The following SRPRA variants were observed in gnomAD, a reference collection of about 807,000 sequenced individuals.
The protein encoded by SRPRA is signal recognition particle receptor subunit alpha.
In SRPRA, 30 loss-of-function variants were observed where a neutral mutation model predicts 61.1. The ratio of observed to expected loss-of-function variants is 0.49; its 90% CI spans 0.37 to 0.67. SRPRA has a LOEUF of 0.67. Among genes scored for constraint, SRPRA ranks in the 30% least tolerant of loss-of-function variants. The pLI is 0.00. For synonymous variants in SRPRA, 324 were observed against 299.7 expected (o/e 1.08, Z -0.84); for missense variants, 759 against 828.4 (o/e 0.92, Z 1.03).
At chr11:126,240,967 A>G in the SRPRA span, 1 of 1,614,150 alleles carries the variant, frequency 6.2e-7, no homozygotes, top group Non-Finnish European at 8.5e-7. Context: ...TGAGGAGAGC[A>G]AAAAGTTTCA....
the SRPRA span, among the ~76,000 whole-genome samples, chr11:126,251,590 G>A: frequency 6.6e-6 from 1 of 152,174 alleles, no homozygotes; most frequent in Non-Finnish European, 1.5e-5. Flanking sequence ...TGTATGGTCA[G>A]CTCCTTCTTC....
Position 126,264,715 on chromosome 11 carries a change from A to G in SRPRA, c.1526-176T>C. ...TGCTTGGCCATCACCAAACATATTC[A>G]GGAAAAGGAGGACAACAGGATGAAG... On this transcript the variant is annotated intron_variant, in intron 11 of 13. Coordinates refer to ENST00000332118, the MANE Select transcript of SRPRA (RefSeq NM_003139.4). This position sits in a 1 kb window ranked among gnomAD's most constrained non-coding sequence, Gnocchi z 5.0. 2.4e-6 allele frequency: 2 copies of G among 827,338 alleles called. No homozygotes were observed. Among genetic ancestry groups the G allele is most frequent in the South Asian group, 3.7e-5 (2 of 54,452 alleles). 51.2% of individuals were successfully genotyped at this position (827,338 alleles called of 1,614,324 possible). A position where few individuals can be genotyped will look rare whatever the true frequency, so the allele number is the denominator to read the frequency against.
chr11:126,251,761 C>T, the SRPRA span, among the ~76,000 whole-genome samples: 7 of 134,188 alleles, frequency 5.2e-5, no homozygotes, highest in South Asian at 2.3e-4. Context: ...GAGACAGTTT[C>T]GCTCTTGTTG....
chr11:126,236,230 C>T, the SRPRA span, among the ~76,000 whole-genome samples: 2 of 152,252 alleles, frequency 1.3e-5, no homozygotes, highest in Non-Finnish European at 1.5e-5. Context: ...CCTTTGTTTT[C>T]CTGAAGCATG....
At position 126,263,723 on chromosome 11, in the gene SRPRA, A is replaced by G; in HGVS notation, c.*193T>C. The stretch of plus-strand genomic sequence containing the variant: ...GAGAGGGTCAGTGGGCAGTGATTGT[A>G]ACATGATTAGGCCTTCCTTGCAGAT... On this transcript the variant is annotated 3_prime_UTR_variant, in exon 14 of 14. Transcript: ENST00000332118. 1 of 765,892 alleles carries G rather than the reference A, an allele frequency of 1.3e-6. No homozygotes were observed. Among genetic ancestry groups the G allele is most frequent in the East Asian group, 2.6e-5 (1 of 38,166 alleles). The allele number at this position is 765,892 out of a possible 1,614,324, so 47.4% of individuals were successfully genotyped here. A position where few individuals can be genotyped will look rare whatever the true frequency, so the allele number is the denominator to read the frequency against.
chr11:126,236,169 C>T, the SRPRA span, among the ~76,000 whole-genome samples: 5 of 152,170 alleles, frequency 3.3e-5, no homozygotes, highest in African/African-American at 1.2e-4. Context: ...TACATCTCTC[C>T]TGTATCGATT....
the SRPRA span, chr11:126,250,584 G>A: frequency 1.2e-6 from 2 of 1,614,106 alleles, no homozygotes; most frequent in Admixed American, 1.7e-5. This position sits in a 1 kb window ranked among gnomAD's most constrained non-coding sequence, Gnocchi z 5.1. Context: ...AAAGATGGAA[G>A]ATTCTGGAAA....
the SRPRA span, among the ~76,000 whole-genome samples, chr11:126,255,279 A>G: frequency 6.6e-6 from 1 of 152,216 alleles, no homozygotes; most frequent in Non-Finnish European, 1.5e-5. This position sits in a 1 kb window ranked among gnomAD's most constrained non-coding sequence, Gnocchi z 4.6. Flanking sequence ...AGCTCTAAGA[A>G]TCTTGTTTGC....
the SRPRA span, chr11:126,250,830 C>A: frequency 1.0e-6 from 1 of 957,518 alleles, no homozygotes; most frequent in East Asian, 2.7e-5. This position sits in a 1 kb window ranked among gnomAD's most constrained non-coding sequence, Gnocchi z 5.1. Context: ...TTATGTAGAG[C>A]TAGAAAGGAA....
chr11:126,262,096 G>C (rs778216820), downstream of SRPRA: 1 of 1,613,768 alleles, frequency 6.2e-7, no homozygotes, highest in Non-Finnish European at 8.5e-7. Context: ...ACTTCATTTT[G>C]TTCTCTTTTC....
the SRPRA span, chr11:126,240,736 T>A: frequency 6.7e-7 from 1 of 1,503,540 alleles, no homozygotes; most frequent in Non-Finnish European, 8.9e-7. Flanking sequence ...ACAGTCTTTC[T>A]GTGTGCCTCA....
At chr11:126,268,338 A>G (rs977481511) in intron 1 of SRPRA, among the ~76,000 whole-genome samples, 2 of 152,210 alleles carry the variant, frequency 1.3e-5, no homozygotes, top group African/African-American at 4.8e-5. Context: ...AAACAATCAG[A>G]TTACTAGCAG....
At chr11:126,237,750 G>A in the SRPRA span, among the ~76,000 whole-genome samples, 12 of 146,202 alleles carry the variant, frequency 8.2e-5, no homozygotes, top group Admixed American at 7.5e-4. Context: ...CCAGCTACTC[G>A]GGAGGCTGAG....
At position 126,267,311 on chromosome 11, in the gene SRPRA, G is replaced by A. The variant is rs1565347457; in HGVS notation, c.390C>T (p.Ile130=). 6.2e-7 allele frequency: 1 copy of A among 1,614,046 alleles called. No individual in the cohort carries two copies. The highest frequency in any genetic ancestry group is 1.7e-4 in the Middle Eastern group (1 of 6,060). ...LLREAEESSK[I]RAPTTMKKFE... is the part of the protein sequence containing the mutation. ...ATTTCTTCATGGTAGTGGGAGCACG[G>A]ATCTTACTGCTCTCCTCTGCTTCAC... The change falls in exon 4 of 14, where the codon ATC becomes ATT. Residue 130 remains isoleucine (I), a synonymous_variant. Transcript: ENST00000332118. This position sits in a 1 kb window ranked among gnomAD's most constrained non-coding sequence, Gnocchi z 4.2.
At chr11:126,256,473 A>G in the SRPRA span, 1 of 1,194,472 alleles carries the variant, frequency 8.4e-7, no homozygotes, top group Non-Finnish European at 1.2e-6. This position sits in a 1 kb window ranked among gnomAD's most constrained non-coding sequence, Gnocchi z 6.6. Flanking sequence ...TTAATTGGTC[A>G]TCACAGTCTG....
the SRPRA span, among the ~76,000 whole-genome samples, chr11:126,238,346 G>A: frequency 1.2e-4 from 18 of 152,090 alleles, 1 homozygote; most frequent in African/African-American, 3.9e-4. Flanking sequence ...AAAAAAGCCA[G>A]TTGGAGAATC....
chr11:126,243,903 CAAA>C, the SRPRA span, among the ~76,000 whole-genome samples: 32 of 104,566 alleles, frequency 3.1e-4, no homozygotes, highest in Admixed American at 6.1e-4. Context: ...GACTCCGTCT[CAAA>C]AAAAAAAAAA....
downstream of SRPRA, chr11:126,260,472 C>G (rs1407843594): frequency 4.1e-5 from 6 of 146,982 alleles, no homozygotes; most frequent in Admixed American, 1.3e-4. Context: ...TTCATAACCA[C>G]TATTTTAATT....
chr11:126,252,890 C>T, the SRPRA span, among the ~76,000 whole-genome samples: 1 of 152,094 alleles, frequency 6.6e-6, no homozygotes, highest in Non-Finnish European at 1.5e-5. The surrounding 1 kb of genome is among the most constrained non-coding windows in gnomAD (Gnocchi z 4.7). Flanking sequence ...CAAAAACTAG[C>T]TGGGAGTGGT....
Sources: allele counts gnomAD v4.1 joint callset (sites outside exome capture counted in the v4.1 genomes callset), GRCh38; gene constraint gnomAD v4.1.1; non-coding constraint Gnocchi (gnomAD v3.1); transcripts MANE v1.5; gene names NCBI Gene and HGNC (gene_info 2026-07-23, HGNC 2026-07-21).